SLC2A3: variants seen among roughly 807,000 people sequenced by gnomAD.
The protein encoded by SLC2A3 is solute carrier family 2, facilitated glucose transporter member 3.
In SLC2A3, 21 loss-of-function variants were observed where a neutral mutation model predicts 46.4. The ratio of observed to expected loss-of-function variants is 0.45; its 90% confidence interval spans 0.32 to 0.65. The LOEUF (loss-of-function observed/expected upper bound fraction) is 0.65. Among genes scored for constraint, SLC2A3 ranks in the 30% least tolerant of loss-of-function variants. SLC2A3 has a pLI of 0.04. For synonymous variants in SLC2A3, 213 were observed against 239.4 expected (o/e 0.89, Z 1.02); for missense variants, 499 against 623.3 (o/e 0.80, Z 2.12).
At chr12:7,928,910 C>G (rs1385430758) in intron 6 of SLC2A3, among the ~76,000 whole-genome samples, 6 of 151,830 alleles carry the variant, frequency 4.0e-5, no homozygotes, top group African/African-American at 1.5e-4. Context: ...ACCTCAGCCT[C>G]CCGAGTAGTA....
At chr12:7,931,511 A>G in intron 3 of SLC2A3, 26 bp from the exon 4 acceptor site, 3 of 1,613,064 alleles carry the variant, frequency 1.9e-6, no homozygotes, top group African/African-American at 1.3e-5. Context: ...AAGACAAAGT[A>G]GAATTAGCAA....
At position 7,931,458 on chromosome 12, in the gene SLC2A3, C is replaced by G. The variant is rs1565604705; in HGVS notation, c.297G>C (p.Leu99=). 1 of 1,614,204 alleles carries G rather than the reference C, an allele frequency of 6.2e-7. No homozygotes were observed. The highest frequency in any genetic ancestry group is 1.7e-5 in the Admixed American group (1 of 60,026). The change falls in exon 4 of 10, where the codon CTG becomes CTC. Residue 99 remains leucine (L), a synonymous_variant. Coordinates refer to ENST00000075120, the MANE Select transcript of SLC2A3 (RefSeq NM_006931.3). ...GRRNSMLIVN[L]LAVTGGCFMG... Reference sequence around the variant, plus strand: ...TAAAGCAGCCACCAGTGACAGCCAACAGGTTGACAATCAGCATTGAATTGC... The same window carrying G: ...TAAAGCAGCCACCAGTGACAGCCAAGAGGTTGACAATCAGCATTGAATTGC...
In SLC2A3 at chr12:7,921,397, T is replaced by C. The variant is rs1336335186; in HGVS notation, c.*16A>G. On this transcript the variant is annotated 3_prime_UTR_variant, in exon 10 of 10. Transcript: ENST00000075120. ...TGGCTTTCCCATGCCGGGAGGGAGG[T>C]GGAAGGAGGCACGACTTAGACATTG... is the stretch of plus-strand genomic sequence containing the variant. The C allele has an allele frequency of 1.2e-6, 2 of 1,613,704 alleles. No homozygotes were observed. The highest frequency in any genetic ancestry group is 1.7e-5 in the Admixed American group (1 of 59,988).
At chr12:7,928,092 CA>C (rs1946113803) in intron 6 of SLC2A3, among the ~76,000 whole-genome samples, 1 of 150,232 alleles carries the variant, frequency 6.7e-6, no homozygotes. Flanking sequence ...GGTGACAGAA[CA>C]AGACTTCACC....
rs138336384 is a variant in SLC2A3, at chr12:7,922,522, C to T, written c.1272+299G>A. On this transcript the variant is annotated intron_variant, in intron 9 of 9. Transcript: ENST00000075120. ...CATCGAGCAGGCTAGAGTGCAGTAACGCGATCTCAGCTCGCTGCAACCTCC... is the reference window on the plus strand; with the variant it reads ...CATCGAGCAGGCTAGAGTGCAGTAATGCGATCTCAGCTCGCTGCAACCTCC... 1.9e-3 allele frequency among the ~76,000 whole-genome samples: 285 copies of T among 152,136 alleles called. 1 individual carries two copies. The highest frequency in any genetic ancestry group is 6.0e-3 in the African/African-American group (250 of 41,516).
Position 7,936,090 on chromosome 12 carries a change from C to G in SLC2A3, c.-56G>C. The G allele has an allele frequency of 6.7e-7, 1 of 1,485,482 alleles. No individual in the cohort carries two copies. 92.0% of individuals were successfully genotyped at this position (1,485,482 alleles called of 1,614,324 possible). ...GATCTAGGGGTGATTCCAGAAACAG[C>G]TTTTTCAGCCAACAAAACCTTCAAA... On this transcript the variant is annotated 5_prime_UTR_variant, in exon 1 of 10. Transcript: ENST00000075120.
intron 7 of SLC2A3, among the ~76,000 whole-genome samples, chr12:7,925,156 C>A (rs1198633077): frequency 6.6e-6 from 1 of 152,250 alleles, no homozygotes; most frequent in Non-Finnish European, 1.5e-5. Context: ...CCAGACCTCG[C>A]CCCGTGAATC....
chr12:7,930,706 CA>C, intron 4 of SLC2A3, 64 bp from the exon 5 acceptor site: 1 of 1,475,630 alleles, frequency 6.8e-7, no homozygotes, highest in Non-Finnish European at 9.1e-7. Context: ...TTCATTAAAA[CA>C]CAAAAAGTTC....
chr12:7,919,452 C>A lies in SLC2A3; in HGVS notation c.*1961G>T, dbSNP rs192262122. The A allele has an allele frequency of 2.6e-5, 4 of 151,596 alleles. No individual in the cohort carries two copies. In the East Asian group the frequency reaches 7.7e-4, roughly 29 times the overall value. The allele number at this position is 151,596 out of a possible 1,614,324, so 9.4% of individuals were successfully genotyped here. A position where few individuals can be genotyped will look rare whatever the true frequency, so the allele number is the denominator to read the frequency against. On this transcript the variant is annotated 3_prime_UTR_variant, in exon 10 of 10. Transcript: ENST00000075120. ...TTTTTTTTTTTTTGAGACGGAGTCT[C>A]GCCCTGTGGCCCAGGCTAGAGTGCA...
In SLC2A3 at chr12:7,930,579, T is replaced by C. The variant is rs1319520895; in HGVS notation, c.574A>G (p.Ile192Val). ...ELWPLLLGFT[I>V]LPAILQSAAL... ...GCACTTTGTAGGATAGCAGGAAGGA[T>C]GGTAAAACCCAGTAGCAGCGGCCAT... Residue 192 changes from isoleucine to valine, a missense_variant, in exon 5 of 10, where the codon ATC becomes GTC. Coordinates refer to ENST00000075120, the MANE Select transcript of SLC2A3 (RefSeq NM_006931.3). 1.9e-6 allele frequency: 3 copies of C among 1,613,814 alleles called. No individual in the cohort carries two copies. The highest frequency in any genetic ancestry group is 2.5e-6 in the Non-Finnish European group (3 of 1,179,938).
chr12:7,930,752 T>TA, intron 4 of SLC2A3, 110 bp from the exon 5 acceptor site: 1 of 1,074,776 alleles, frequency 9.3e-7, no homozygotes, highest in Admixed American at 2.9e-5. Context: ...TGTGAAAAAA[T>TA]AAACAAATTG....
intron 7 of SLC2A3, 168 bp downstream of exon 7, chr12:7,925,676 G>A: frequency 1.7e-6 from 1 of 590,682 alleles, no homozygotes; most frequent in Non-Finnish European, 3.0e-6. Flanking sequence ...TCCCATATTT[G>A]CTTGAAGAGT....
intron 9 of SLC2A3, among the ~76,000 whole-genome samples, chr12:7,921,878 T>G (rs1946039743): frequency 6.6e-6 from 1 of 152,168 alleles, no homozygotes; most frequent in African/African-American, 2.4e-5. Context: ...ATTTTTGGAC[T>G]TTTGAGTATT....
intron 9 of SLC2A3, among the ~76,000 whole-genome samples, chr12:7,922,202 TAC>T (rs949150989): frequency 1.9e-4 from 29 of 151,912 alleles, no homozygotes; most frequent in African/African-American, 6.5e-4. Flanking sequence ...TCACTGGGAT[TAC>T]AGTCATGAGC....
At chr12:7,929,507 C>A in intron 6 of SLC2A3, 177 bp downstream of exon 6, 1 of 884,314 alleles carries the variant, frequency 1.1e-6, no homozygotes, top group Non-Finnish European at 1.7e-6. Flanking sequence ...CTCTGTCTCC[C>A]AGGCTGGAAT....
chr12:7,922,863 C>A lies in SLC2A3; in HGVS notation c.1230G>T (p.Trp410Cys). 1 of 1,614,036 alleles carries A rather than the reference C, an allele frequency of 6.2e-7. No homozygotes were observed. The highest frequency in any genetic ancestry group is 8.5e-7 in the Non-Finnish European group (1 of 1,179,942). Residue 410 changes from tryptophan to cysteine, a missense_variant, in exon 9 of 10, where the codon TGG (tryptophan) becomes TGT (cysteine). Transcript: ENST00000075120. ...GCAATCCGACTAGGAAGTTGGAGGTCCAGTTGGAGCAGCCGGCCACTGCCA... is the reference window on the plus strand; with the variant it reads ...GCAATCCGACTAGGAAGTTGGAGGTACAGTTGGAGCAGCCGGCCACTGCCA... ...AAMAVAGCSN[W>C]TSNFLVGLLF...
rs1481951746 is a variant in SLC2A3, at chr12:7,920,460, C to T, written c.*953G>A. ...TCCAAAATTAGAACCCATCAACCAT[C>T]ATTAACTACAATGCCCATATTAGTT... On this transcript the variant is annotated 3_prime_UTR_variant, in exon 10 of 10. Coordinates refer to ENST00000075120, the MANE Select transcript of SLC2A3 (RefSeq NM_006931.3). The T allele has an allele frequency of 6.6e-6, 1 of 152,110 alleles. No homozygotes were observed. The highest frequency in any genetic ancestry group is 6.5e-5 in the Admixed American group (1 of 15,272). 9.4% of individuals were successfully genotyped at this position (152,110 alleles called of 1,614,324 possible).
chr12:7,921,248 G>C lies in SLC2A3; in HGVS notation c.*165C>G, dbSNP rs1946033611. On this transcript the variant is annotated 3_prime_UTR_variant, in exon 10 of 10. Transcript: ENST00000075120. Reference sequence around the variant, plus strand: ...AAATAAAATTTAAAAAGCCATTGAAGATCCAACAAACCGCAGCCTTGGGGT... The same window carrying C: ...AAATAAAATTTAAAAAGCCATTGAACATCCAACAAACCGCAGCCTTGGGGT... The C allele has an allele frequency of 7.2e-7, 1 of 1,387,112 alleles. No individual in the cohort carries two copies. Among genetic ancestry groups the C allele is most frequent in the Non-Finnish European group, 9.9e-7 (1 of 1,014,442 alleles). 85.9% of individuals were successfully genotyped at this position (1,387,112 alleles called of 1,614,324 possible). A position where few individuals can be genotyped will look rare whatever the true frequency, so the allele number is the denominator to read the frequency against.
chr12:7,922,036 T>C (rs1234328488), intron 9 of SLC2A3, among the ~76,000 whole-genome samples: 2 of 150,116 alleles, frequency 1.3e-5, no homozygotes, highest in Non-Finnish European at 2.9e-5. Context: ...ATTTTTTTTT[T>C]TTTGAGACGG....
Sources: allele counts gnomAD v4.1 joint callset (sites outside exome capture counted in the v4.1 genomes callset), GRCh38; gene constraint gnomAD v4.1.1; transcripts MANE v1.5; gene names NCBI Gene and HGNC (gene_info 2026-07-23, HGNC 2026-07-21).